The following SCGB2A1 variants were observed in gnomAD, a reference collection of about 807,000 sequenced individuals.
SCGB2A1 encodes mammaglobin-B.
Under a neutral mutation model 9.2 loss-of-function variants are expected in SCGB2A1, and 6 were observed. The ratio of observed to expected loss-of-function variants is 0.66; its 90% CI spans 0.36 to 1.29. The LOEUF (loss-of-function observed/expected upper bound fraction) is 1.29, where lower values mean the gene tolerates loss of function less well. SCGB2A1 is among the 50% of genes most tolerant of loss of function. The probability of loss-of-function intolerance (pLI) is 0.03; values close to 1 mark genes in which losing one functional copy is unlikely to be tolerated. For missense variants in SCGB2A1, 138 were observed against 116.9 expected (o/e 1.18, Z -0.83); for synonymous variants, 37 against 41.0 (o/e 0.90, Z 0.37).
chr11:62,212,951 CATATGTACACATATGTACACAT>C (rs1944843212), intron 2 of SCGB2A1, among the ~76,000 whole-genome samples: 1 of 83,636 alleles, frequency 1.2e-5, no homozygotes, highest in African/African-American at 3.0e-5. Context: ...TATGTACACA[CATATGTACACATATGTACACAT>C]ATATGTGCAC....
At position 62,210,993 on chromosome 11, in the gene SCGB2A1, G is replaced by A. The variant is rs184033622; in HGVS notation, c.243+393G>A. On this transcript the variant is annotated intron_variant, in intron 2 of 2. Coordinates refer to ENST00000244930, the MANE Select transcript of SCGB2A1 (RefSeq NM_002407.3). ...GCTGGAGTGTAGTGGCGTGAATCTC[G>A]GCTCACTGCAACCTCCACCTCCCGG... Among the ~76,000 whole-genome samples the A allele has an allele frequency of 1.7e-3, 258 of 149,122 alleles. 1 individual carries two copies. The highest frequency in any genetic ancestry group is 5.8e-3 in the African/African-American group (235 of 40,268).
intron 2 of SCGB2A1, among the ~76,000 whole-genome samples, chr11:62,212,941 T>C (rs1046060606): frequency 1.4e-4 from 19 of 135,004 alleles, no homozygotes; most frequent in Admixed American, 5.8e-4. Flanking sequence ...TATACACACA[T>C]ATGTACACAC....
chr11:62,210,472 A>C lies in SCGB2A1; in HGVS notation c.115A>C (p.Ile39Leu). Residue 39 changes from isoleucine to leucine, a missense_variant, in exon 2 of 3, where the codon ATA (isoleucine) becomes CTA (leucine). Ile to Leu is a conservative substitution (Grantham distance 5). Transcript: ENST00000244930. ...AAAGACCATCAATTCCGACATATCT[A>C]TACCTGAATACAAAGAGCTTCTTCA... Reference protein sequence around the residue: ...VEKTINSDISIPEYKELLQEF... With the variant: ...VEKTINSDISLPEYKELLQEF... 6.3e-7 allele frequency: 1 copy of C among 1,590,272 alleles called. No homozygotes were observed. Among genetic ancestry groups the C allele is most frequent in the Non-Finnish European group, 8.5e-7 (1 of 1,172,308 alleles).
intron 2 of SCGB2A1, among the ~76,000 whole-genome samples, chr11:62,211,346 T>G (rs1944829639): frequency 6.6e-6 from 1 of 152,088 alleles, no homozygotes; most frequent in Non-Finnish European, 1.5e-5. Flanking sequence ...ATTCTTATTT[T>G]TTTTTATCTA....
chr11:62,213,931 C>A lies in SCGB2A1; in HGVS notation c.*161C>A. 1 of 559,404 alleles carries A rather than the reference C, an allele frequency of 1.8e-6. No individual in the cohort carries two copies. The highest frequency in any genetic ancestry group is 3.1e-6 in the Non-Finnish European group (1 of 318,668). The allele number at this position is 559,404 out of a possible 1,614,324, so 34.7% of individuals were successfully genotyped here. ...CATTTCCATTTCAATAAACTAACTG[C>A]AAATCACTAAAATTCTTTCTTGTTC... On this transcript the variant is annotated 3_prime_UTR_variant, in exon 3 of 3. Transcript: ENST00000244930.
chr11:62,210,650 C>A (rs1393630464), intron 2 of SCGB2A1, 50 bp downstream of exon 2: 8 of 1,387,620 alleles, frequency 5.8e-6, no homozygotes, highest in Non-Finnish European at 6.6e-6. Flanking sequence ...TGATCAGAAC[C>A]AGCGGGCTCT....
intron 2 of SCGB2A1, among the ~76,000 whole-genome samples, chr11:62,211,923 TG>T (rs1426904422): frequency 3.3e-5 from 5 of 152,088 alleles, no homozygotes; most frequent in Non-Finnish European, 5.9e-5. Context: ...TTTTGTTTTT[TG>T]TTTTTCGTTT....
intron 1 of SCGB2A1, among the ~76,000 whole-genome samples, chr11:62,209,075 A>G (rs1944807188): frequency 6.6e-6 from 1 of 152,146 alleles, no homozygotes; most frequent in Non-Finnish European, 1.5e-5. Context: ...ATTGAAATGA[A>G]CTATTTCAGT....
chr11:62,212,944 G>A (rs61893722), intron 2 of SCGB2A1, among the ~76,000 whole-genome samples: 91,058 of 132,756 alleles, frequency 0.69, 29,795 homozygotes, highest in East Asian at 0.97. Flanking sequence ...ACACACATAT[G>A]TACACACATA....
chr11:62,212,911 T>TATATACACACAC (rs1944841294), intron 2 of SCGB2A1, among the ~76,000 whole-genome samples: 1 of 143,766 alleles, frequency 7.0e-6, no homozygotes, highest in African/African-American at 2.9e-5. Context: ...TATATATACA[T>TATATACACACAC]ATATATACAC....
intron 2 of SCGB2A1, 114 bp from the exon 3 acceptor site, chr11:62,213,612 C>A: frequency 1.0e-6 from 1 of 989,654 alleles, no homozygotes; most frequent in East Asian, 2.5e-5. Flanking sequence ...CACTGCAAAT[C>A]CTCCTGAGAG....
At chr11:62,210,625 C>G in intron 2 of SCGB2A1, 25 bp downstream of exon 2, 9 of 1,491,382 alleles carry the variant, frequency 6.0e-6, no homozygotes, top group Non-Finnish European at 8.0e-6. Flanking sequence ...TTCTTATGTA[C>G]CCTTTGAAAA....
intron 2 of SCGB2A1, among the ~76,000 whole-genome samples, chr11:62,212,640 C>T (rs1419069303): frequency 6.6e-6 from 1 of 151,756 alleles, no homozygotes; most frequent in Non-Finnish European, 1.5e-5. Flanking sequence ...ATCTCAAAAA[C>T]AAACAAACAA....
chr11:62,213,031 C>CGTGCACATATGT (rs1565121459), intron 2 of SCGB2A1, among the ~76,000 whole-genome samples: 1,843 of 70,930 alleles, frequency 0.026, 83 homozygotes, highest in African/African-American at 0.1. Context: ...TACATATATA[C>CGTGCACATATGT]ACACATATAT....
In SCGB2A1 at chr11:62,213,891, T is replaced by TAAAC; in HGVS notation, c.*121_*122insAAAC. 1.4e-6 allele frequency: 1 copy of TAAAC among 710,586 alleles called. No homozygotes were observed. Among genetic ancestry groups the TAAAC allele is most frequent in the East Asian group, 2.7e-5 (1 of 37,220 alleles). The allele number at this position is 710,586 out of a possible 1,614,324, so 44.0% of individuals were successfully genotyped here. ...TTATGTGGAAACTGCTAGACAACTG[T>TAAAC]TGAAACCTCAAATTCATTTCCATTT... is the stretch of plus-strand genomic sequence containing the variant. On this transcript the variant is annotated 3_prime_UTR_variant, in exon 3 of 3. Transcript: ENST00000244930.
rs1279834368 is a variant in SCGB2A1, at chr11:62,210,597, G to T, written c.240G>T (p.Met80Ile). The change falls in exon 2 of 3, where the codon ATG becomes ATT. Residue 80 changes from methionine (M) to isoleucine (I), a missense_variant. By Grantham distance (10) the Met-to-Ile change is conservative (BLOSUM62 1). Coordinates refer to ENST00000244930, the MANE Select transcript of SCGB2A1 (RefSeq NM_002407.3). ...SHRTLKNFGL[M>I]MHTVYDSIWC... ...GAACTCTGAAAAACTTTGGACTGAT[G>T]ATGGTAATTTGGGTTTCTTCTTATG... The T allele has an allele frequency of 6.5e-7, 1 of 1,537,398 alleles. No homozygotes were observed. The highest frequency in any genetic ancestry group is 1.3e-5 in the South Asian group (1 of 74,636).
chr11:62,210,732 C>A, intron 2 of SCGB2A1, 132 bp downstream of exon 2: 1 of 642,338 alleles, frequency 1.6e-6, no homozygotes, highest in Non-Finnish European at 2.5e-6. Flanking sequence ...TAAACTTTGT[C>A]TCCAGGCTGC....
rs67975205 is a variant in SCGB2A1, at chr11:62,213,106, A to ATATATATTTTTTT, written c.244-619_244-618insATATATTTTTTTT. On this transcript the variant is annotated intron_variant, in intron 2 of 2. Transcript: ENST00000244930. ...CATATATACACATATATATATATAT[A>ATATATATTTTTTT]TTTTTTTTTTTGTAGAGATGGCATT... 8.3e-4 allele frequency among the ~76,000 whole-genome samples: 97 copies of ATATATATTTTTTT among 116,228 alleles called. 7 individuals carry two copies. Among genetic ancestry groups the ATATATATTTTTTT allele is most frequent in the African/African-American group, 1.5e-3 (44 of 29,080 alleles). 76.3% of individuals were successfully genotyped at this position (116,228 alleles called of 152,430 possible).
intron 2 of SCGB2A1, among the ~76,000 whole-genome samples, chr11:62,213,115 T>TTGTAGAGATGGCATTTTGTCATA (rs1944852271): frequency 6.9e-6 from 1 of 145,652 alleles, no homozygotes; most frequent in Non-Finnish European, 1.5e-5. Context: ...TATTTTTTTT[T>TTGTAGAGATGGCATTTTGTCATA]TTGTAGAGAT....
Sources: gnomAD v4.1 joint callset for allele counts (sites outside exome capture counted in the v4.1 genomes callset) on GRCh38, gnomAD v4.1.1 for gene constraint, MANE v1.5 for transcripts, NCBI Gene and HGNC (gene_info 2026-07-23, HGNC 2026-07-21) for gene names.